Variants in FILIP1 observed in about 807,000 individuals in gnomAD.
FILIP1 encodes filamin-A-interacting protein 1.
Under a neutral mutation model 102.1 loss-of-function variants are expected in FILIP1, and 61 were observed. The observed-to-expected ratio is 0.60, with a 90% CI of 0.49 to 0.74. The LOEUF (loss-of-function observed/expected upper bound fraction) is 0.74. Among genes scored for constraint, FILIP1 ranks in the 30% least tolerant of loss-of-function variants. The pLI, the probability that FILIP1 is intolerant of heterozygous loss-of-function variation, is 0.00. For missense variants in FILIP1, 1,314 were observed against 1,441.2 expected (o/e 0.91, Z 1.43); for synonymous variants, 491 against 526.9 (o/e 0.93, Z 0.93).
chr6:75,397,203 A>G (rs1007091155), intron 2 of FILIP1, among the ~76,000 whole-genome samples: 65 of 152,210 alleles, frequency 4.3e-4, no homozygotes, highest in African/African-American at 1.5e-3. Flanking sequence ...ATAAATAAAT[A>G]AAAGACTTAT....
chr6:75,471,730 G>A (rs1779337092), intron 1 of FILIP1, among the ~76,000 whole-genome samples: 1 of 152,134 alleles, frequency 6.6e-6, no homozygotes, highest in South Asian at 2.1e-4. Flanking sequence ...TTCTATGGAA[G>A]ACCATGCTGC....
chr6:75,327,037 G>T (rs1037478541), intron 4 of FILIP1, among the ~76,000 whole-genome samples: 1 of 151,940 alleles, frequency 6.6e-6, no homozygotes, highest in Non-Finnish European at 1.5e-5. Context: ...CAGTAGCGTG[G>T]ACATTGTCAT....
chr6:75,375,030 C>G (rs540367807), intron 2 of FILIP1, among the ~76,000 whole-genome samples: 1 of 152,072 alleles, frequency 6.6e-6, no homozygotes, highest in African/African-American at 2.4e-5. Context: ...TGGGAAAGAA[C>G]TCATCCCCAG....
intron 6 of FILIP1, among the ~76,000 whole-genome samples, chr6:75,297,874 C>A (rs1772725852): frequency 6.6e-6 from 1 of 152,192 alleles, no homozygotes; most frequent in African/African-American, 2.4e-5. Flanking sequence ...ATTCAGAAAT[C>A]TTCTGCCTTT....
At chr6:75,374,406 T>A (rs1219909998) in intron 2 of FILIP1, among the ~76,000 whole-genome samples, 1 of 151,982 alleles carries the variant, frequency 6.6e-6, no homozygotes, top group African/African-American at 2.4e-5. Context: ...TGAGACAGAG[T>A]CTTGCTCTGT....
At chr6:75,468,693 G>A (rs1269823089) in intron 1 of FILIP1, among the ~76,000 whole-genome samples, 1 of 152,132 alleles carries the variant, frequency 6.6e-6, no homozygotes, top group Non-Finnish European at 1.5e-5. Flanking sequence ...AGCAGGAATG[G>A]AAGGAAGGTA....
At chr6:75,407,400 G>C (rs1776901244) in intron 2 of FILIP1, among the ~76,000 whole-genome samples, 1 of 151,932 alleles carries the variant, frequency 6.6e-6, no homozygotes, top group Admixed American at 6.6e-5. Context: ...TAATTTTTTT[G>C]TATTTTTAGT....
chr6:75,425,691 A>G (rs2149701287), intron 1 of FILIP1, among the ~76,000 whole-genome samples: 1 of 152,158 alleles, frequency 6.6e-6, no homozygotes, highest in South Asian at 2.1e-4. Flanking sequence ...AAGTCACTTA[A>G]CTCTCCAACC....
chr6:75,439,870 A>C (rs1422274536), intron 1 of FILIP1, among the ~76,000 whole-genome samples: 4 of 152,266 alleles, frequency 2.6e-5, no homozygotes, highest in African/African-American at 9.6e-5. Context: ...AGGGAAAATA[A>C]ATCAGCAAAT....
intron 4 of FILIP1, among the ~76,000 whole-genome samples, chr6:75,343,491 A>G (rs1351035484): frequency 1.3e-5 from 2 of 152,130 alleles, no homozygotes; most frequent in African/African-American, 4.8e-5. Context: ...ACCCCCTCCT[A>G]CAGCATAAAC....
chr6:75,312,014 C>T (rs987131267), intron 5 of FILIP1, among the ~76,000 whole-genome samples: 2 of 152,200 alleles, frequency 1.3e-5, no homozygotes, highest in South Asian at 2.1e-4. Flanking sequence ...AACCTAGGAG[C>T]AATTTTAATT....
intron 4 of FILIP1, among the ~76,000 whole-genome samples, chr6:75,340,861 A>ATTTTTTTTTTTTTTT (rs59666589): frequency 1.1e-5 from 1 of 94,308 alleles, no homozygotes; most frequent in Non-Finnish European, 2.0e-5. Context: ...ATGCTCAGGA[A>ATTTTTTTTTTTTTTT]TTTTTTTTTT....
chr6:75,439,375 A>C (rs932581427), intron 1 of FILIP1, among the ~76,000 whole-genome samples: 5 of 152,226 alleles, frequency 3.3e-5, no homozygotes, highest in African/African-American at 4.8e-5. Flanking sequence ...CAAAAAAAAA[A>C]AAGGTTAAAT....
In FILIP1 at chr6:75,353,626, T is replaced by A; in HGVS notation, c.542A>T (p.Tyr181Phe). The A allele has an allele frequency of 6.2e-7, 1 of 1,614,222 alleles. No individual in the cohort carries two copies. Among genetic ancestry groups the A allele is most frequent in the Non-Finnish European group, 8.5e-7 (1 of 1,180,040 alleles). ...TTTATGCTTCTCGTTCTCTAACTCG[T>A]ATACGGTGCGCCTATGACACTTCTC... is the stretch of plus-strand genomic sequence containing the variant. ...LAEKCHRRTV[Y>F]ELENEKHKHT... The change falls in exon 4 of 6, where the codon TAC (tyrosine) becomes TTC (phenylalanine). Residue 181 changes from tyrosine (Y) to phenylalanine (F), a missense_variant. Tyr to Phe is a conservative substitution (Grantham distance 22). Transcript: ENST00000237172.
intron 1 of FILIP1, among the ~76,000 whole-genome samples, chr6:75,420,250 C>T (rs554655407): frequency 6.6e-6 from 1 of 151,444 alleles, no homozygotes; most frequent in East Asian, 1.9e-4. Context: ...GTTTAATATC[C>T]TTCAAGAACA....
chr6:75,341,659 TA>T (rs1365137630), intron 4 of FILIP1, among the ~76,000 whole-genome samples: 16 of 152,214 alleles, frequency 1.1e-4, no homozygotes, highest in African/African-American at 3.9e-4. Flanking sequence ...TTTGGAAATA[TA>T]AAAACTACTG....
At chr6:75,356,875 G>A (rs1223989310) in intron 3 of FILIP1, among the ~76,000 whole-genome samples, 1 of 152,104 alleles carries the variant, frequency 6.6e-6, no homozygotes, top group Non-Finnish European at 1.5e-5. Flanking sequence ...AAATTTCTAC[G>A]TGTGATTTTC....
At chr6:75,424,464 G>A (rs1777569670) in intron 1 of FILIP1, among the ~76,000 whole-genome samples, 1 of 152,138 alleles carries the variant, frequency 6.6e-6, no homozygotes, top group South Asian at 2.1e-4. Context: ...AGGAGGTGAA[G>A]TGTAACTTTG....
intron 2 of FILIP1, among the ~76,000 whole-genome samples, chr6:75,365,719 T>TA (rs1775307098): frequency 6.6e-6 from 1 of 152,124 alleles, no homozygotes; most frequent in South Asian, 2.1e-4. Context: ...TTTTTTTGTT[T>TA]ATACAGGTAT....
Sources: allele counts gnomAD v4.1 joint callset (sites outside exome capture counted in the v4.1 genomes callset), GRCh38; gene constraint gnomAD v4.1.1; transcripts MANE v1.5; gene names NCBI Gene and HGNC (gene_info 2026-07-23, HGNC 2026-07-21).